Variants in GALR1 observed in about 807,000 individuals in gnomAD.
The protein encoded by GALR1 is galanin receptor type 1.
Under a neutral mutation model 17.9 loss-of-function variants are expected in GALR1, and 11 were observed. The ratio of observed to expected loss-of-function variants is 0.62; its 90% CI spans 0.39 to 1.02. The LOEUF (loss-of-function observed/expected upper bound fraction) is 1.02. Among genes scored for constraint, GALR1 ranks in the 50% least tolerant of loss-of-function variants. The probability of loss-of-function intolerance (pLI) is 0.01; values close to 1 mark genes in which losing one functional copy is unlikely to be tolerated. For missense variants in GALR1, 441 were observed against 456.9 expected, an observed-to-expected ratio of 0.97 and a Z score of 0.32; for synonymous variants, 206 against 205.7, an observed-to-expected ratio of 1.00 and a Z score of -0.01.
At chr18:77,257,673 G>A (rs1379539612) in intron 2 of GALR1, among the ~76,000 whole-genome samples, 2 of 152,188 alleles carry the variant, frequency 1.3e-5, no homozygotes, top group East Asian at 1.9e-4. Flanking sequence ...CTTCTCCTAG[G>A]ACAGTTATTT....
intron 1 of GALR1, among the ~76,000 whole-genome samples, chr18:77,253,375 G>A (rs902996915): frequency 3.9e-5 from 6 of 152,196 alleles, no homozygotes; most frequent in African/African-American, 2.4e-5. Context: ...CAGTTGGTGA[G>A]GCCTTGAGGA....
At chr18:77,262,500 C>A (rs560492240) in intron 2 of GALR1, among the ~76,000 whole-genome samples, 11 of 152,320 alleles carry the variant, frequency 7.2e-5, no homozygotes, top group African/African-American at 9.6e-5. Flanking sequence ...TGTTTTCAAC[C>A]ATGCACATGG....
At chr18:77,252,875 C>T (rs868373581) in intron 1 of GALR1, among the ~76,000 whole-genome samples, 52 of 100,200 alleles carry the variant, frequency 5.2e-4, no homozygotes, top group African/African-American at 1.9e-3. Flanking sequence ...ACCACCACCA[C>T]CACCATCACC....
chr18:77,252,938 C>CCACCACCAT (rs1568139113), intron 1 of GALR1, among the ~76,000 whole-genome samples: 15 of 46,552 alleles, frequency 3.2e-4, no homozygotes, highest in East Asian at 5.9e-4. Context: ...ACCACCACCA[C>CCACCACCAT]CACCACCACC....
At position 77,253,482 on chromosome 18, in the gene GALR1, C is replaced by T. The variant is rs563382586; in HGVS notation, c.666+2268C>T. On this transcript the variant is annotated intron_variant, in intron 1 of 2. Transcript: ENST00000299727. The stretch of plus-strand genomic sequence containing the variant: ...CACACGCTTCCTTATTTCCCCAAAG[C>T]CTTCAGGGAGAAGAGCTAAAATCTT... Among the ~76,000 whole-genome samples, 7 of 152,286 alleles carry T rather than the reference C, an allele frequency of 4.6e-5. 1 individual carries two copies. The South Asian group carries it at 1.5e-3, about 32-fold the overall frequency.
chr18:77,267,966 C>A (rs934980426), intron 2 of GALR1, among the ~76,000 whole-genome samples: 2 of 152,164 alleles, frequency 1.3e-5, no homozygotes, highest in African/African-American at 4.8e-5. Context: ...GAAGACCCTG[C>A]CTCTGATTTC....
Position 77,250,779 on chromosome 18 carries a change from G to A in GALR1, c.231G>A (p.Leu77=). 6.2e-7 allele frequency: 1 copy of A among 1,613,996 alleles called. No individual in the cohort carries two copies. The highest frequency in any genetic ancestry group is 8.5e-7 in the Non-Finnish European group (1 of 1,180,010). The change falls in exon 1 of 3, where the codon CTG becomes CTA. Residue 77 remains leucine, a synonymous_variant. Transcript: ENST00000299727. ...RSTTNLFILN[L]SIADLAYLLF... is the part of the protein sequence containing the mutation. ...CCACCAACCTGTTCATCCTCAACCT[G>A]AGCATCGCCGACCTGGCCTACCTGC...
At chr18:77,261,285 A>G (rs1912825803) in intron 2 of GALR1, among the ~76,000 whole-genome samples, 1 of 152,240 alleles carries the variant, frequency 6.6e-6, no homozygotes, top group South Asian at 2.1e-4. Context: ...CTCCATCAAA[A>G]GATAATGTTG....
In GALR1 at chr18:77,271,252, C is replaced by CG. The variant is rs939506872; in HGVS notation, c.*2350_*2351insG. On this transcript the variant is annotated 3_prime_UTR_variant, in exon 3 of 3. Transcript: ENST00000299727. ...GTAATAGCTTGCGCTTGAAACCCCC[C>CG]CCCCCCCGCCACTTTGCTAAATGTA... is the stretch of plus-strand genomic sequence containing the variant. 3 of 126,610 alleles carry CG rather than the reference C, an allele frequency of 2.4e-5. No individual in the cohort carries two copies. The highest frequency in any genetic ancestry group is 5.4e-5 in the Non-Finnish European group (3 of 56,030). 7.8% of individuals were successfully genotyped at this position (126,610 alleles called of 1,614,324 possible). A position where few individuals can be genotyped will look rare whatever the true frequency, so the allele number is the denominator to read the frequency against.
intron 2 of GALR1, among the ~76,000 whole-genome samples, chr18:77,258,776 ATGGTGGTGGTGG>A (rs374737158): frequency 2.2e-5 from 2 of 92,746 alleles, no homozygotes; most frequent in Non-Finnish European, 4.2e-5. Context: ...TGTGATAGTG[ATGGTGGTGGTGG>A]TGGTGGTGAT....
chr18:77,259,866 G>A (rs377579765), intron 2 of GALR1, among the ~76,000 whole-genome samples: 8 of 151,916 alleles, frequency 5.3e-5, no homozygotes, highest in South Asian at 2.1e-4. Flanking sequence ...GGGGAGACTC[G>A]GGAAGGAAAG....
At chr18:77,260,912 G>T (rs566120282) in intron 2 of GALR1, among the ~76,000 whole-genome samples, 2 of 152,092 alleles carry the variant, frequency 1.3e-5, no homozygotes, top group African/African-American at 4.8e-5. Flanking sequence ...CAAGCCACTG[G>T]GTTCTTTTAA....
At chr18:77,254,355 CTT>C (rs1222026078) in intron 1 of GALR1, among the ~76,000 whole-genome samples, 1 of 152,194 alleles carries the variant, frequency 6.6e-6, no homozygotes, top group Non-Finnish European at 1.5e-5. Flanking sequence ...TAAAAATAGA[CTT>C]GAGTATTTTC....
intron 2 of GALR1, among the ~76,000 whole-genome samples, chr18:77,267,188 G>T (rs1912961163): frequency 6.6e-6 from 1 of 152,214 alleles, no homozygotes; most frequent in African/African-American, 2.4e-5. Flanking sequence ...TGAGATGGAG[G>T]TTTTCTTATG....
chr18:77,259,062 GGTC>G (rs1568141892), intron 2 of GALR1, among the ~76,000 whole-genome samples: 2 of 5,126 alleles, frequency 3.9e-4, no homozygotes, highest in Non-Finnish European at 5.4e-3. Flanking sequence ...TGATGATGGT[GGTC>G]ATGGTGGTCA....
Position 77,269,036 on chromosome 18 carries a change from C to T in GALR1, c.*134C>T, listed in dbSNP as rs1020977380. 7.3e-6 allele frequency: 5 copies of T among 688,988 alleles called. No individual in the cohort carries two copies. Among genetic ancestry groups the T allele is most frequent in the Admixed American group, 3.0e-5 (1 of 33,792 alleles). 42.7% of individuals were successfully genotyped at this position (688,988 alleles called of 1,614,324 possible). Reference sequence around the variant, plus strand: ...TTCAAGTCGTTTTAATTAAATCCCACGTGTGTTAAAAAGTACTTTGATCCA... The same window carrying T: ...TTCAAGTCGTTTTAATTAAATCCCATGTGTGTTAAAAAGTACTTTGATCCA... On this transcript the variant is annotated 3_prime_UTR_variant, in exon 3 of 3. Coordinates refer to ENST00000299727, the MANE Select transcript of GALR1 (RefSeq NM_001480.4).
Position 77,252,896 on chromosome 18 carries a change from T to TCAC in GALR1, c.666+1706_666+1708dup, listed in dbSNP as rs1252635221. ...ACCACCACCATCACCACCACCACCA[T>TCAC]CACCACCACCACCACCACCACCACC... is the stretch of plus-strand genomic sequence containing the variant. On this transcript the variant is annotated intron_variant, in intron 1 of 2. Transcript: ENST00000299727. Among the ~76,000 whole-genome samples the TCAC allele has an allele frequency of 3.1e-3, 242 of 78,134 alleles. 6 individuals carry two copies. The highest frequency in any genetic ancestry group is 9.8e-3 in the East Asian group (21 of 2,146). 51.3% of individuals were successfully genotyped at this position (78,134 alleles called of 152,430 possible). A position where few individuals can be genotyped will look rare whatever the true frequency, so the allele number is the denominator to read the frequency against.
At chr18:77,264,570 CA>C (rs767241502) in intron 2 of GALR1, among the ~76,000 whole-genome samples, 1 of 152,096 alleles carries the variant, frequency 6.6e-6, no homozygotes, top group Non-Finnish European at 1.5e-5. Context: ...CCATGAAACC[CA>C]GTGAGGTCTG....
In GALR1 at chr18:77,277,192, GA is replaced by G. The variant is rs36088180; in HGVS notation, c.*8298del. ...TGATAACATAAGTAGTATGAGTAAG[GA>G]AAAAAAATCTATGTGTACTGTATTT... is the stretch of plus-strand genomic sequence containing the variant. On this transcript the variant is annotated 3_prime_UTR_variant, in exon 3 of 3. Coordinates refer to ENST00000299727, the MANE Select transcript of GALR1 (RefSeq NM_001480.4). 6.6e-5 allele frequency: 10 copies of G among 151,966 alleles called. No individual in the cohort carries two copies. Among genetic ancestry groups the G allele is most frequent in the South Asian group, 4.2e-4 (2 of 4,804 alleles). The allele number at this position is 151,966 out of a possible 1,614,324, so 9.4% of individuals were successfully genotyped here.
Sources: allele counts gnomAD v4.1 joint callset (sites outside exome capture counted in the v4.1 genomes callset), GRCh38; gene constraint gnomAD v4.1.1; transcripts MANE v1.5; gene names NCBI Gene and HGNC (gene_info 2026-07-23, HGNC 2026-07-21).